ADAMTSL3: variants seen among roughly 807,000 people sequenced by gnomAD.
ADAMTSL3 encodes the protein ADAMTS like 3, also known as ADAMTS-like protein 3.
A neutral mutation model predicts 201.7 loss-of-function variants in ADAMTSL3; 128 were observed. The observed-to-expected ratio is 0.63, with a 90% CI of 0.55 to 0.73. The LOEUF (loss-of-function observed/expected upper bound fraction) is 0.73. Ranked by LOEUF, ADAMTSL3 falls within the 30% of genes least tolerant of loss-of-function variation. ADAMTSL3 has a pLI of 0.00. For synonymous variants in ADAMTSL3, 738 were observed against 748.4 expected, an observed-to-expected ratio of 0.99 and a Z score of 0.23; for missense variants, 1,990 against 2,119.6, an observed-to-expected ratio of 0.94 and a Z score of 1.20.
chr15:83,948,798 ATG>A (rs2066706042), intron 19 of ADAMTSL3, among the ~76,000 whole-genome samples: 1 of 152,058 alleles, frequency 6.6e-6, no homozygotes, highest in Non-Finnish European at 1.5e-5. Context: ...CATTTTTATT[ATG>A]TGTTATTAAT....
At chr15:83,734,581 A>G (rs908904711) in intron 3 of ADAMTSL3, among the ~76,000 whole-genome samples, 3 of 152,106 alleles carry the variant, frequency 2.0e-5, no homozygotes, top group African/African-American at 7.2e-5. Context: ...CTGCTTTGTG[A>G]TGAGCTGCCC....
intron 25 of ADAMTSL3, among the ~76,000 whole-genome samples, chr15:84,020,704 G>C (rs74335271): frequency 7.2e-4 from 110 of 152,280 alleles, no homozygotes; most frequent in African/African-American, 2.6e-3. Context: ...TCATCATCAT[G>C]TCCTACCTCA....
chr15:83,687,580 TGC>T (rs1302456447), intron 2 of ADAMTSL3, among the ~76,000 whole-genome samples: 1 of 152,166 alleles, frequency 6.6e-6, no homozygotes, highest in Non-Finnish European at 1.5e-5. Flanking sequence ...TGTCCTCTTT[TGC>T]TTGCAAGGAG....
At chr15:83,689,527 T>C (rs1049927674) in intron 2 of ADAMTSL3, among the ~76,000 whole-genome samples, 2 of 152,260 alleles carry the variant, frequency 1.3e-5, no homozygotes, top group African/African-American at 2.4e-5. Flanking sequence ...ATTGTAGTTT[T>C]AAATTTCATC....
chr15:83,840,943 T>C (rs1247539654), intron 7 of ADAMTSL3, among the ~76,000 whole-genome samples: 2 of 152,224 alleles, frequency 1.3e-5, no homozygotes, highest in Non-Finnish European at 2.9e-5. Flanking sequence ...GGATGGCTTT[T>C]GCCTACTTGG....
At chr15:83,714,951 T>C (rs1414898231) in intron 3 of ADAMTSL3, among the ~76,000 whole-genome samples, 2 of 142,750 alleles carry the variant, frequency 1.4e-5, no homozygotes, top group Non-Finnish European at 3.0e-5. Context: ...CCTTCTTTCC[T>C]TTCTCATCTT....
chr15:83,988,883 A>ATTT, intron 22 of ADAMTSL3, 65 bp downstream of exon 22: 5 of 1,022,062 alleles, frequency 4.9e-6, no homozygotes, highest in Non-Finnish European at 4.9e-6. Flanking sequence ...TTATTTATTT[A>ATTT]TTTATTTTTT....
At chr15:83,817,503 T>C (rs1240108426) in intron 5 of ADAMTSL3, among the ~76,000 whole-genome samples, 2 of 152,276 alleles carry the variant, frequency 1.3e-5, no homozygotes, top group East Asian at 3.9e-4. Flanking sequence ...ACGGGAAATA[T>C]TAATAGAGCT....
intron 28 of ADAMTSL3, 80 bp downstream of exon 28, chr15:84,031,512 T>G: frequency 5.5e-6 from 7 of 1,279,414 alleles, no homozygotes; most frequent in Non-Finnish European, 7.9e-6. Flanking sequence ...GAAAATGGAA[T>G]CCTTTCTAGT....
At chr15:83,884,564 C>T (rs761583461) in intron 9 of ADAMTSL3, among the ~76,000 whole-genome samples, 8 of 151,436 alleles carry the variant, frequency 5.3e-5, no homozygotes, top group Non-Finnish European at 8.8e-5. Context: ...TGTGAGCCAC[C>T]GTGCCTGGCC....
At chr15:83,770,353 T>C (rs570411922) in intron 3 of ADAMTSL3, among the ~76,000 whole-genome samples, 1 of 152,358 alleles carries the variant, frequency 6.6e-6, no homozygotes, top group African/African-American at 2.4e-5. Context: ...TCAGTTGAAG[T>C]TCATTTCCTG....
intron 2 of ADAMTSL3, among the ~76,000 whole-genome samples, chr15:83,658,095 A>G (rs1419274934): frequency 1.3e-5 from 2 of 152,188 alleles, no homozygotes; most frequent in Admixed American, 1.3e-4. Flanking sequence ...CTAATTAATA[A>G]CAAATAGAGT....
intron 23 of ADAMTSL3, among the ~76,000 whole-genome samples, chr15:84,010,601 T>C (rs1596532946): frequency 6.6e-6 from 1 of 152,164 alleles, no homozygotes; most frequent in African/African-American, 2.4e-5. Flanking sequence ...AGAATTCTGG[T>C]CATAGAGAGT....
intron 5 of ADAMTSL3, among the ~76,000 whole-genome samples, chr15:83,813,891 G>T (rs1381698209): frequency 6.6e-6 from 1 of 152,206 alleles, no homozygotes; most frequent in Non-Finnish European, 1.5e-5. Flanking sequence ...TGTCAGCAGG[G>T]AGGTCTAATA....
chr15:83,832,106 G>A (rs1202575617), intron 6 of ADAMTSL3, among the ~76,000 whole-genome samples: 1 of 152,132 alleles, frequency 6.6e-6, no homozygotes, highest in Admixed American at 6.5e-5. Flanking sequence ...GTTTGGTATG[G>A]GAATGGACAG....
At chr15:83,783,561 T>C (rs2063211262) in intron 4 of ADAMTSL3, among the ~76,000 whole-genome samples, 1 of 151,984 alleles carries the variant, frequency 6.6e-6, no homozygotes, top group Non-Finnish European at 1.5e-5. Flanking sequence ...AAAAAAGCTA[T>C]AATGTGAACC....
At chr15:83,944,188 AGAAG>A (rs2142040842) in intron 19 of ADAMTSL3, among the ~76,000 whole-genome samples, 1 of 152,292 alleles carries the variant, frequency 6.6e-6, no homozygotes, top group Admixed American at 6.5e-5. Context: ...ACCGTGGATA[AGAAG>A]GGACTATTGT....
chr15:83,676,421 G>C (rs2061406006), intron 2 of ADAMTSL3, among the ~76,000 whole-genome samples: 2 of 152,156 alleles, frequency 1.3e-5, no homozygotes, highest in Admixed American at 1.3e-4. Context: ...GCTGACACCT[G>C]TAATCCTAGC....
intron 3 of ADAMTSL3, among the ~76,000 whole-genome samples, chr15:83,742,308 A>AACAGCCTTATGTTAACCTTAGGCTT (rs1254233894): frequency 2.0e-5 from 3 of 152,280 alleles, no homozygotes; most frequent in Admixed American, 1.3e-4. Context: ...AAAATTTTCA[A>AACAGCCTTATGTTAACCTTAGGCTT]ACAGCCTTAT....
Sources: gnomAD v4.1 joint callset for allele counts (sites outside exome capture counted in the v4.1 genomes callset) on GRCh38, gnomAD v4.1.1 for gene constraint, MANE v1.5 for transcripts, NCBI Gene and HGNC (gene_info 2026-07-23, HGNC 2026-07-21) for gene names.